NTRK2: variants seen among roughly 807,000 people sequenced by gnomAD.
NTRK2 encodes neurotrophic receptor tyrosine kinase 2.
A neutral mutation model predicts 94.5 loss-of-function variants in NTRK2; 13 were observed. The ratio of observed to expected loss-of-function variants is 0.14; its 90% CI spans 0.09 to 0.22. The LOEUF (loss-of-function observed/expected upper bound fraction) is 0.22, where lower values mean the gene tolerates loss of function less well. Among genes scored for constraint, NTRK2 ranks in the 10% least tolerant of loss-of-function variants. NTRK2 has a pLI of 1.00. For missense variants in NTRK2, 639 were observed against 1,071.2 expected (o/e 0.60, Z 5.63); for synonymous variants, 372 against 407.4 (o/e 0.91, Z 1.05).
At chr9:84,860,177 G>T (rs2075265196) in intron 12 of NTRK2, among the ~76,000 whole-genome samples, 1 of 152,164 alleles carries the variant, frequency 6.6e-6, no homozygotes, top group African/African-American at 2.4e-5. Context: ...TTACTGATTT[G>T]GGGTCCATTC....
intron 14 of NTRK2, chr9:84,873,551 A>T (rs2075953160): frequency 9.5e-7 from 1 of 1,054,442 alleles, no homozygotes; most frequent in Non-Finnish European, 1.1e-6. Context: ...TCCCTTTTCA[A>T]CTCCAAAGGA....
chr9:84,797,103 C>T (rs573064461), intron 12 of NTRK2, among the ~76,000 whole-genome samples: 10 of 151,948 alleles, frequency 6.6e-5, no homozygotes, highest in African/African-American at 1.4e-4. Flanking sequence ...TGAAACAGTA[C>T]GATGTTCACT....
At chr9:84,783,447 G>T (rs2067808443) in intron 12 of NTRK2, among the ~76,000 whole-genome samples, 1 of 152,116 alleles carries the variant, frequency 6.6e-6, no homozygotes, top group Non-Finnish European at 1.5e-5. Context: ...CTACTGTCAG[G>T]GATTTCAACT....
intron 12 of NTRK2, chr9:84,810,607 G>A: frequency 6.2e-7 from 1 of 1,613,906 alleles, no homozygotes; most frequent in East Asian, 2.2e-5. Context: ...ACAGAGAAAG[G>A]GGCTGTGGTG....
At chr9:84,956,074 A>T (rs1175339973) in intron 17 of NTRK2, among the ~76,000 whole-genome samples, 1 of 152,172 alleles carries the variant, frequency 6.6e-6, no homozygotes, top group African/African-American at 2.4e-5. Context: ...ATTCCTGGTG[A>T]GGTTAAAGGA....
rs1831464565 is a variant in NTRK2 at position 85,010,666 on chromosome 9, A to G, written c.2173-9540A>G. Among the ~76,000 whole-genome samples the G allele has an allele frequency of 3.3e-5, 5 of 152,306 alleles. No individual in the cohort carries two copies. In the South Asian group the frequency reaches 6.2e-4, roughly 19 times the overall value. ...GTTACTGGGGAGCGGGGCTGTCAGC[A>G]GGAGGGGAAGAACATGTTGTTACTA... On this transcript the variant is annotated intron_variant, in intron 17 of 18. Coordinates refer to ENST00000277120, the MANE Select transcript of NTRK2 (RefSeq NM_006180.6).
In NTRK2 at chr9:84,728,263, CTG is replaced by C. The variant is rs563595461; in HGVS notation, c.1159+306_1159+307del. ...CTAGATTCAGGGCTGGTGCACTGGA[CTG>C]TCTCTTCAGCTTATCTGCCATTGGC... On this transcript the variant is annotated intron_variant, in intron 9 of 18. Coordinates refer to ENST00000277120, the MANE Select transcript of NTRK2 (RefSeq NM_006180.6). 2.6e-5 allele frequency among the ~76,000 whole-genome samples: 4 copies of C among 152,136 alleles called. No individual in the cohort carries two copies. In the South Asian group the frequency reaches 8.3e-4, roughly 32 times the overall value.
At chr9:84,968,777 T>C (rs1042530367) in intron 17 of NTRK2, among the ~76,000 whole-genome samples, 1 of 152,192 alleles carries the variant, frequency 6.6e-6, no homozygotes, top group Non-Finnish European at 1.5e-5. Context: ...AGTATACATA[T>C]TATTAAGTAT....
intron 14 of NTRK2, among the ~76,000 whole-genome samples, chr9:84,919,048 A>G (rs535937758): frequency 9.2e-5 from 14 of 152,098 alleles, no homozygotes; most frequent in Non-Finnish European, 1.9e-4. Context: ...CCCTATCTAC[A>G]CATACATTGA....
At chr9:84,674,157 C>T (rs2058880663) in intron 2 of NTRK2, among the ~76,000 whole-genome samples, 1 of 152,148 alleles carries the variant, frequency 6.6e-6, no homozygotes, top group East Asian at 1.9e-4. Context: ...TACCATCTTA[C>T]AGTTCAGTAG....
rs184462485 is a variant in NTRK2, at chr9:84,861,505, A to T, written c.1444+418A>T. Reference sequence around the variant, plus strand: ...ATGTAATAGAGTTCTGAATTGGTAAATCAGTTTCCATTTATGACCATTCCT... The same window carrying T: ...ATGTAATAGAGTTCTGAATTGGTAATTCAGTTTCCATTTATGACCATTCCT... On this transcript the variant is annotated intron_variant, in intron 13 of 18. Transcript: ENST00000277120. Among the ~76,000 whole-genome samples, 36 of 152,310 alleles carry T rather than the reference A, an allele frequency of 2.4e-4. No individual in the cohort carries two copies. In the East Asian group the frequency reaches 6.6e-3, roughly 28 times the overall value.
At chr9:84,864,969 A>C (rs1227475470) in intron 13 of NTRK2, among the ~76,000 whole-genome samples, 1 of 151,816 alleles carries the variant, frequency 6.6e-6, no homozygotes, top group Admixed American at 6.6e-5. Flanking sequence ...TCAAACTCCT[A>C]ACCTCGTGAT....
chr9:84,815,167 C>T, intron 12 of NTRK2: 3 of 1,057,554 alleles, frequency 2.8e-6, no homozygotes, highest in Non-Finnish European at 2.3e-6. Flanking sequence ...ACGTCCCAGC[C>T]ACCTGATTTT....
At chr9:84,811,339 C>T (rs199862136) in intron 12 of NTRK2, 5 of 1,065,816 alleles carry the variant, frequency 4.7e-6, no homozygotes, top group South Asian at 4.6e-5. Context: ...AGAAAAAAAA[C>T]AAGAACAAGC....
intron 9 of NTRK2, among the ~76,000 whole-genome samples, chr9:84,728,476 T>C (rs1365904579): frequency 6.6e-6 from 1 of 152,170 alleles, no homozygotes; most frequent in African/African-American, 2.4e-5. Flanking sequence ...CTGTTGCAAG[T>C]ATTTAATGAG....
intron 16 of NTRK2, among the ~76,000 whole-genome samples, chr9:84,953,166 T>G (rs960943857): frequency 6.6e-6 from 1 of 152,196 alleles, no homozygotes; most frequent in Non-Finnish European, 1.5e-5. Flanking sequence ...TTGATTCACC[T>G]TTAGTGAAGT....
At chr9:84,787,319 A>AAAAC (rs201059157) in intron 12 of NTRK2, among the ~76,000 whole-genome samples, 50 of 152,028 alleles carry the variant, frequency 3.3e-4, no homozygotes, top group African/African-American at 8.2e-4. Context: ...ACAAACAAAC[A>AAAAC]AAACAAACAA....
chr9:84,762,149 G>A (rs1292990396), intron 12 of NTRK2, among the ~76,000 whole-genome samples: 2 of 152,074 alleles, frequency 1.3e-5, no homozygotes, highest in Admixed American at 6.6e-5. Context: ...TGCAACTGTG[G>A]GTCCGTTAAA....
At chr9:85,012,694 CATTATT>C (rs1049176427) in intron 17 of NTRK2, among the ~76,000 whole-genome samples, 1 of 151,770 alleles carries the variant, frequency 6.6e-6, no homozygotes, top group Admixed American at 6.6e-5. Flanking sequence ...TCATTTCTAT[CATTATT>C]ATTATTATTA....
Sources: allele counts gnomAD v4.1 joint callset (sites outside exome capture counted in the v4.1 genomes callset), GRCh38; gene constraint gnomAD v4.1.1; transcripts MANE v1.5; gene names NCBI Gene and HGNC (gene_info 2026-07-23, HGNC 2026-07-21).